Variants in CNOT10 observed in about 807,000 individuals in gnomAD.
CNOT10 encodes the protein CCR4-NOT transcription complex, subunit 10.
In CNOT10, 30 loss-of-function variants were observed where a neutral mutation model predicts 94.6. The ratio of observed to expected loss-of-function variants is 0.32; its 90% CI spans 0.24 to 0.43. CNOT10 has a LOEUF of 0.43. Ranked by LOEUF, CNOT10 falls within the 20% of genes least tolerant of loss-of-function variation. CNOT10 has a pLI of 1.00. For synonymous variants in CNOT10, 289 were observed against 301.6 expected (o/e 0.96, Z 0.43); for missense variants, 759 against 877.2 (o/e 0.87, Z 1.70).
At chr3:32,764,416 G>A in intron 15 of CNOT10, 39 bp from the exon 16 acceptor site, 1 of 1,607,780 alleles carries the variant, frequency 6.2e-7, no homozygotes, top group Admixed American at 1.7e-5. Flanking sequence ...AATATGCTCT[G>A]TTGTTCTGCC....
chr3:32,721,203 A>G (rs1698389163), intron 8 of CNOT10, among the ~76,000 whole-genome samples: 1 of 150,548 alleles, frequency 6.6e-6, no homozygotes, highest in South Asian at 2.1e-4. Flanking sequence ...AGCTGGGACT[A>G]CAGGCACGCA....
At chr3:32,704,785 G>A in intron 2 of CNOT10, 26 bp from the exon 3 acceptor site, 2 of 1,550,014 alleles carry the variant, frequency 1.3e-6, no homozygotes, top group East Asian at 2.4e-5. Context: ...AATTTTGTGT[G>A]TGTGTGTGTG....
At chr3:32,741,768 C>CCA (rs1006818723) in intron 13 of CNOT10, among the ~76,000 whole-genome samples, 1 of 86,546 alleles carries the variant, frequency 1.2e-5, no homozygotes, top group Non-Finnish European at 2.3e-5. Context: ...GACTCCGTCT[C>CCA]AAAAAAAAAA....
chr3:32,762,235 G>A (rs948057475), intron 14 of CNOT10, among the ~76,000 whole-genome samples: 1 of 149,116 alleles, frequency 6.7e-6, no homozygotes, highest in African/African-American at 2.5e-5. Flanking sequence ...AGGCCAAGAC[G>A]GGCGGATCAC....
At chr3:32,752,373 G>A (rs1264423866) in intron 13 of CNOT10, among the ~76,000 whole-genome samples, 4 of 152,246 alleles carry the variant, frequency 2.6e-5, no homozygotes, top group South Asian at 4.1e-4. Context: ...TTTAACCCCT[G>A]TGGGCTGCCT....
At chr3:32,702,787 G>C (rs1697415131) in intron 1 of CNOT10, among the ~76,000 whole-genome samples, 2 of 152,106 alleles carry the variant, frequency 1.3e-5, no homozygotes, top group Admixed American at 1.3e-4. Context: ...CTCATCTACA[G>C]GGCTTGTGGT....
intron 3 of CNOT10, 97 bp from the exon 4 acceptor site, chr3:32,708,573 A>G (rs1697728904): frequency 1.0e-6 from 1 of 987,454 alleles, no homozygotes; most frequent in South Asian, 1.6e-5. Flanking sequence ...CAGAATAAGA[A>G]TGTTGGCCTA....
chr3:32,762,088 A>G (rs1050504442), intron 14 of CNOT10, among the ~76,000 whole-genome samples: 2 of 150,546 alleles, frequency 1.3e-5, no homozygotes, highest in African/African-American at 4.9e-5. Context: ...TTTTAAAACT[A>G]TAAAAGTTTA....
intron 14 of CNOT10, among the ~76,000 whole-genome samples, chr3:32,761,730 T>A (rs1432224689): frequency 3.3e-5 from 5 of 151,432 alleles, no homozygotes; most frequent in Non-Finnish European, 7.4e-5. Flanking sequence ...TAATTTCTTT[T>A]TTTTTTTTTT....
intron 13 of CNOT10, among the ~76,000 whole-genome samples, chr3:32,752,675 A>G (rs1207552036): frequency 3.9e-5 from 6 of 152,182 alleles, no homozygotes; most frequent in Non-Finnish European, 7.3e-5. Context: ...CTAAACTTCA[A>G]CTTTAACAGT....
intron 13 of CNOT10, chr3:32,753,985 T>A: frequency 6.1e-6 from 4 of 659,296 alleles, no homozygotes; most frequent in Non-Finnish European, 7.2e-6. Flanking sequence ...TAATCCCAGT[T>A]ACTGGGAAGG....
At chr3:32,755,686 A>G (rs1162044404) in intron 13 of CNOT10, among the ~76,000 whole-genome samples, 3 of 151,596 alleles carry the variant, frequency 2.0e-5, no homozygotes, top group Admixed American at 2.0e-4. Context: ...GACAAATTTT[A>G]ATGCCTAGTC....
intron 1 of CNOT10, among the ~76,000 whole-genome samples, chr3:32,689,384 G>T (rs1320883733): frequency 6.6e-6 from 1 of 150,916 alleles, no homozygotes; most frequent in Non-Finnish European, 1.5e-5. Context: ...AGAAAAAAAA[G>T]AATAGAGGAT....
chr3:32,745,752 G>C (rs1225977372), intron 13 of CNOT10, among the ~76,000 whole-genome samples: 2 of 152,190 alleles, frequency 1.3e-5, no homozygotes, highest in South Asian at 4.1e-4. Context: ...TAATCCCGAC[G>C]CTTTGGGAGG....
chr3:32,700,052 T>A (rs1697264485), intron 1 of CNOT10, among the ~76,000 whole-genome samples: 1 of 149,624 alleles, frequency 6.7e-6, no homozygotes, highest in Non-Finnish European at 1.5e-5. Context: ...CTCGGCTCAC[T>A]GCAACCTCTG....
At chr3:32,733,684 A>G in intron 11 of CNOT10, 140 bp downstream of exon 11, 1 of 555,894 alleles carries the variant, frequency 1.8e-6, no homozygotes, top group Non-Finnish European at 3.0e-6. Flanking sequence ...TATTTCAACA[A>G]ACAGACCCTC....
intron 13 of CNOT10, among the ~76,000 whole-genome samples, chr3:32,746,802 A>T (rs370957084): frequency 7.0e-6 from 1 of 142,458 alleles, no homozygotes; most frequent in Non-Finnish European, 1.5e-5. Flanking sequence ...GCACCACTGC[A>T]CTCCAGCCTG....
intron 13 of CNOT10, among the ~76,000 whole-genome samples, chr3:32,746,608 G>A (rs943587359): frequency 6.6e-6 from 1 of 151,698 alleles, no homozygotes; most frequent in East Asian, 1.9e-4. Flanking sequence ...AGGCCGAGGT[G>A]GGCAGATCAT....
At chr3:32,769,142 TGATTA>T (rs1700788092) in intron 17 of CNOT10, 1 of 152,246 alleles carries the variant, frequency 6.6e-6, no homozygotes, top group African/African-American at 2.4e-5. Flanking sequence ...GTCTATTATC[TGATTA>T]GATTAAGAGA....
Sources: allele counts gnomAD v4.1 joint callset (sites outside exome capture counted in the v4.1 genomes callset), GRCh38; gene constraint gnomAD v4.1.1; transcripts MANE v1.5; gene names NCBI Gene and HGNC (gene_info 2026-07-23, HGNC 2026-07-21).